CRYAB: variants seen among roughly 807,000 people sequenced by gnomAD.
CRYAB encodes alpha-crystallin B chain.
CRYAB carries 9 observed loss-of-function variants against 12.7 expected under a neutral mutation model. The ratio of observed to expected loss-of-function variants is 0.71; its 90% CI spans 0.43 to 1.24. The LOEUF (loss-of-function observed/expected upper bound fraction) is 1.24. CRYAB is among the 50% of genes most tolerant of loss of function. The pLI is 0.00. For synonymous variants in CRYAB, 93 were observed against 86.8 expected, an observed-to-expected ratio of 1.07 and a Z score of -0.40; for missense variants, 183 against 226.6, an observed-to-expected ratio of 0.81 and a Z score of 1.24.
upstream of CRYAB, among the ~76,000 whole-genome samples, chr11:111,915,344 A>G (rs1201908303): frequency 6.6e-6 from 1 of 152,254 alleles, no homozygotes; most frequent in Non-Finnish European, 1.5e-5. Flanking sequence ...AAATGAAAGC[A>G]TGCCCCAGAG....
At chr11:111,912,375 T>G (rs938166725), upstream of CRYAB, 2 of 190,708 alleles carry the variant, frequency 1.0e-5, no homozygotes, top group Admixed American at 5.4e-5. Context: ...GCATCTTTCG[T>G]TCTATGTGGC....
intron 1 of CRYAB, among the ~76,000 whole-genome samples, chr11:111,922,868 G>T (rs921036538): frequency 1.3e-5 from 2 of 152,158 alleles, no homozygotes; most frequent in Non-Finnish European, 2.9e-5. Flanking sequence ...TTGCATTCTA[G>T]GAGGATTGCA....
intron 1 of CRYAB, among the ~76,000 whole-genome samples, chr11:111,911,226 A>G (rs925674720): frequency 2.0e-5 from 3 of 152,210 alleles, no homozygotes; most frequent in African/African-American, 7.2e-5. Flanking sequence ...GTTTGAAGGC[A>G]GCTCTTTCCC....
At chr11:111,914,195 C>T (rs901357048), upstream of CRYAB, 6 of 359,558 alleles carry the variant, frequency 1.7e-5, no homozygotes, top group African/African-American at 1.2e-4. Context: ...TTTGATGTGC[C>T]CAACGTCATA....
Position 111,908,857 on chromosome 11 carries a change from C to A in CRYAB, c.435G>T (p.Val145=). ...SSLSSDGVLT[V]NGPRKQVSGP... The stretch of plus-strand genomic sequence containing the variant: ...CAGAGACCTGTTTCCTTGGTCCATT[C>A]ACAGTGAGGACCCCATCAGATGACA... Residue 145 remains valine (V), a synonymous_variant, in exon 3 of 3, where the codon GTG becomes GTT. Transcript: ENST00000650687. 1.9e-6 allele frequency: 3 copies of A among 1,614,118 alleles called. 1 individual carries two copies. Among genetic ancestry groups the A allele is most frequent in the South Asian group, 1.1e-5 (1 of 91,072 alleles).
At chr11:111,918,950 G>C in intron 1 of CRYAB, 1 of 1,614,152 alleles carries the variant, frequency 6.2e-7, no homozygotes. Flanking sequence ...AAAACAGCTG[G>C]GCTCCCTTGG....
exon 1 of CRYAB, chr11:111,923,720 G>A (rs1387897418): frequency 6.6e-6 from 1 of 152,230 alleles, no homozygotes; most frequent in Non-Finnish European, 1.5e-5. Flanking sequence ...AGTGCTCCCT[G>A]TTCTGTAGAC....
intron 1 of CRYAB, among the ~76,000 whole-genome samples, chr11:111,920,159 C>T (rs1555166400): frequency 6.6e-6 from 1 of 151,974 alleles, no homozygotes; most frequent in East Asian, 1.9e-4. Context: ...TGCACCACTG[C>T]ACTCCACCCT....
At chr11:111,913,891 C>T (rs782198420), upstream of CRYAB, 2 of 1,604,242 alleles carry the variant, frequency 1.2e-6, no homozygotes, top group East Asian at 2.2e-5. Flanking sequence ...ATAGTTGAGC[C>T]CTGATTGCCA....
In CRYAB at chr11:111,920,737, G is replaced by T. The variant is rs587739031; in HGVS notation, c.-199+2966C>A. Among the ~76,000 whole-genome samples, 147 of 152,206 alleles carry T rather than the reference G, an allele frequency of 9.7e-4. 1 individual carries two copies. The highest frequency in any genetic ancestry group is 3.3e-3 in the African/African-American group (137 of 41,522). ...CATGATCACACCACTGCACTCCAGT[G>T]TGGGTGACAGAATGAGACCCTGTCT... On this transcript the variant is annotated intron_variant, in intron 1 of 3. Transcript: ENST00000527950.
upstream of CRYAB, chr11:111,913,607 G>A: frequency 1.2e-6 from 2 of 1,614,202 alleles, no homozygotes; most frequent in African/African-American, 1.3e-5. Context: ...CCCCAGACGA[G>A]GTGACTGTGA....
intron 1 of CRYAB, among the ~76,000 whole-genome samples, chr11:111,922,122 G>A (rs781480480): frequency 5.3e-5 from 8 of 152,278 alleles, no homozygotes; most frequent in African/African-American, 1.7e-4. Flanking sequence ...GTGAGCCACC[G>A]CACCTGGCCT....
upstream of CRYAB, among the ~76,000 whole-genome samples, chr11:111,917,377 G>C (rs1224006021): frequency 3.9e-5 from 6 of 152,158 alleles, no homozygotes; most frequent in African/African-American, 1.4e-4. Context: ...AGAATGGATT[G>C]CATGGAAGAA....
chr11:111,914,588 G>A (rs184228348), upstream of CRYAB, among the ~76,000 whole-genome samples: 32 of 152,212 alleles, frequency 2.1e-4, no homozygotes, highest in Admixed American at 1.3e-3. Flanking sequence ...CAATTATCAC[G>A]GAACCCCATT....
intron 1 of CRYAB, chr11:111,919,185 A>T: frequency 1.4e-6 from 1 of 713,508 alleles, no homozygotes; most frequent in Non-Finnish European, 2.4e-6. Flanking sequence ...TAGAAGACAG[A>T]GCCAAGTGGC....
Position 111,910,298 on chromosome 11 carries a change from A to T in CRYAB, c.324+29T>A, listed in dbSNP as rs782094555. The T allele has an allele frequency of 3.1e-6, 5 of 1,613,818 alleles. No individual in the cohort carries two copies. In the African/African-American group the frequency reaches 5.3e-5, roughly 17 times the overall value. The stretch of plus-strand genomic sequence containing the variant: ...TATTACAGTATGCACTGAATGAATG[A>T]GCAGAAAACAAAAAAACAAGCTACA... On this transcript the variant is annotated intron_variant, in intron 2 of 2. Coordinates refer to ENST00000650687, the MANE Select transcript of CRYAB (RefSeq NM_001289808.2).
At chr11:111,921,902 G>A (rs1359532806) in intron 1 of CRYAB, among the ~76,000 whole-genome samples, 1 of 151,330 alleles carries the variant, frequency 6.6e-6, no homozygotes, top group African/African-American at 2.4e-5. Context: ...GCACAATCTT[G>A]GCTCGCTGCA....
chr11:111,912,017 C>G (rs563791177), upstream of CRYAB: 433 of 389,006 alleles, frequency 1.1e-3, 7 homozygotes, highest in South Asian at 0.012. Context: ...TGGCACCCAC[C>G]CCCACCCCTG....
chr11:111,913,866 G>A, upstream of CRYAB: 2 of 1,612,202 alleles, frequency 1.2e-6, no homozygotes, highest in Non-Finnish European at 1.7e-6. Context: ...TCCAGAGGAA[G>A]AGGAGGAGGC....
Sources: allele counts gnomAD v4.1 joint callset (sites outside exome capture counted in the v4.1 genomes callset), GRCh38; gene constraint gnomAD v4.1.1; transcripts MANE v1.5; gene names NCBI Gene and HGNC (gene_info 2026-07-23, HGNC 2026-07-21).